Variants in ADAM17 observed in about 807,000 individuals in gnomAD.
ADAM17 encodes the protein disintegrin and metalloproteinase domain-containing protein 17.
A neutral mutation model predicts 96.7 loss-of-function variants in ADAM17; 39 were observed. The observed-to-expected ratio is 0.40, with a 90% CI of 0.31 to 0.53. The LOEUF (loss-of-function observed/expected upper bound fraction) is 0.53. ADAM17 is among the 20% of genes least tolerant of loss of function. The probability of loss-of-function intolerance (pLI) is 0.44; values close to 1 mark genes in which losing one functional copy is unlikely to be tolerated. For synonymous variants in ADAM17, 344 were observed against 359.2 expected (o/e 0.96, Z 0.48); for missense variants, 777 against 1,013.2 (o/e 0.77, Z 3.17).
intron 15 of ADAM17, among the ~76,000 whole-genome samples, chr2:9,494,170 C>A (rs1662378352): frequency 6.6e-6 from 1 of 152,160 alleles, no homozygotes; most frequent in African/African-American, 2.4e-5. Flanking sequence ...CCTCGTAAAT[C>A]TTAAAACCCT....
rs1185937477 is a variant in ADAM17 at position 9,493,748 on chromosome 2, A to G, written c.1992T>C (p.Phe664=). The G allele has an allele frequency of 1.6e-5, 26 of 1,613,272 alleles. No individual in the cohort carries two copies. The highest frequency in any genetic ancestry group is 2.0e-5 in the Non-Finnish European group (24 of 1,179,374). The change falls in exon 16 of 19, where the codon TTT becomes TTC. Residue 664 remains phenylalanine, a splice_region_variant and synonymous_variant. Transcript: ENST00000310823. The part of the protein sequence containing the change: ...DFIDQLSINT[F]GKFLADNIVG... ...AAGTAATCTGGGGAAATCACCTACC[A>G]AAAGTATTGATGCTCAGCTGGTCAA... is the stretch of plus-strand genomic sequence containing the variant.
chr2:9,554,526 GA>G lies in ADAM17; in HGVS notation c.97+982del, dbSNP rs538480354. 7.9e-4 allele frequency among the ~76,000 whole-genome samples: 120 copies of G among 151,786 alleles called. 1 individual carries two copies. Among genetic ancestry groups the G allele is most frequent in the African/African-American group, 2.7e-3 (111 of 41,378 alleles). On this transcript the variant is annotated intron_variant, in intron 1 of 18. Coordinates refer to ENST00000310823, the MANE Select transcript of ADAM17 (RefSeq NM_003183.6). Reference sequence around the variant, plus strand: ...ACAATTTCTGTCCACTAAATATAAAGAAAAAAAATACTACACATGGTATCAT... The same window carrying G: ...ACAATTTCTGTCCACTAAATATAAAGAAAAAAATACTACACATGGTATCAT...
Position 9,497,182 on chromosome 2 carries a change from T to C in ADAM17, c.1715A>G (p.Lys572Arg), listed in dbSNP as rs1257729330. 2.5e-6 allele frequency: 4 copies of C among 1,614,178 alleles called. No individual in the cohort carries two copies. The South Asian group carries it at 4.4e-5, about 18-fold the overall frequency. Reference sequence around the variant, plus strand: ...AGGGATGCATTTCCCATCCTTACACTTGCCAAGATCCAAGCAAACAGTGTC... The same window carrying C: ...AGGGATGCATTTCCCATCCTTACACCTGCCAAGATCCAAGCAAACAGTGTC... Reference protein sequence around the residue: ...EDDTVCLDLGKCKDGKCIPFC... With the variant: ...EDDTVCLDLGRCKDGKCIPFC... The change falls in exon 14 of 19, where the codon AAG (lysine) becomes AGG (arginine). Residue 572 changes from lysine (K) to arginine (R), a missense_variant. Around this residue, in one of 3 missense-constraint regions of ADAM17, gnomAD observed 446 missense variants for 664.7 expected, o/e 0.67. Coordinates refer to ENST00000310823, the MANE Select transcript of ADAM17 (RefSeq NM_003183.6).
At chr2:9,522,611 C>T (rs919892293) in intron 7 of ADAM17, among the ~76,000 whole-genome samples, 6 of 152,030 alleles carry the variant, frequency 3.9e-5, no homozygotes, top group African/African-American at 1.4e-4. Flanking sequence ...TGGTTTACTA[C>T]AAAAAGCTTG....
At chr2:9,494,859 AG>A in intron 14 of ADAM17, 92 bp from the exon 15 acceptor site, 1 of 1,486,976 alleles carries the variant, frequency 6.7e-7, no homozygotes, top group Non-Finnish European at 9.1e-7. Context: ...GCTCCCAAAG[AG>A]GTAAGAAATC....
rs780179175 is a variant in ADAM17, at chr2:9,535,816, A to C, written c.450+18T>G. 19 of 1,527,880 alleles carry C rather than the reference A, an allele frequency of 1.2e-5. No homozygotes were observed. The African/African-American group carries it at 2.6e-4, about 21-fold the overall frequency. The allele number at this position is 1,527,880 out of a possible 1,614,324, so 94.6% of individuals were successfully genotyped here. On this transcript the variant is annotated intron_variant, in intron 4 of 18. Transcript: ENST00000310823. ...CAGAGATATAAGCTACTGAAAAAAA[A>C]TTCACATATAAATTTACCTCTATGT...
chr2:9,512,657 AG>A (rs902551183), intron 10 of ADAM17, among the ~76,000 whole-genome samples: 9 of 152,136 alleles, frequency 5.9e-5, no homozygotes, highest in African/African-American at 2.2e-4. Context: ...CTGTGGAGGG[AG>A]GAATGCTGCA....
chr2:9,521,162 C>A (rs534092484), intron 8 of ADAM17, 41 bp downstream of exon 8: 5 of 1,430,052 alleles, frequency 3.5e-6, no homozygotes, highest in Non-Finnish European at 4.9e-6. Flanking sequence ...TCAGAAATGA[C>A]AAAGTGGTGT....
intron 10 of ADAM17, among the ~76,000 whole-genome samples, chr2:9,512,049 G>T (rs138996343): frequency 1.1e-4 from 16 of 151,568 alleles, no homozygotes; most frequent in Admixed American, 5.2e-4. Context: ...TTTCCTAAGG[G>T]GGGGAAATCA....
At chr2:9,539,972 T>A (rs1003059394) in intron 2 of ADAM17, among the ~76,000 whole-genome samples, 1 of 152,242 alleles carries the variant, frequency 6.6e-6, no homozygotes, top group African/African-American at 2.4e-5. Context: ...ATTAAATATT[T>A]AGTATGGAAA....
chr2:9,536,565 G>T, intron 3 of ADAM17, 133 bp downstream of exon 3: 1 of 1,239,264 alleles, frequency 8.1e-7, no homozygotes, highest in Non-Finnish European at 1.1e-6. Flanking sequence ...ATACCTCAAA[G>T]AAAAGTCAAA....
chr2:9,554,458 G>T (rs1399632131), intron 1 of ADAM17, among the ~76,000 whole-genome samples: 1 of 152,014 alleles, frequency 6.6e-6, no homozygotes, highest in African/African-American at 2.4e-5. Flanking sequence ...AGCTGTTCAA[G>T]TGATAACACT....
intron 10 of ADAM17, among the ~76,000 whole-genome samples, chr2:9,514,518 AATATATATATATATAT>A (rs70948826): frequency 0.019 from 1,668 of 89,794 alleles, 45 homozygotes; most frequent in African/African-American, 0.031. Flanking sequence ...TTAAAATATA[AATATATATATATATAT>A]ATATATATAT....
intron 14 of ADAM17, chr2:9,496,225 T>A (rs1376220823): frequency 6.6e-6 from 1 of 151,982 alleles, no homozygotes; most frequent in Non-Finnish European, 1.5e-5. Flanking sequence ...GCCCCCTGGG[T>A]TCAAGCAATT....
intron 1 of ADAM17, among the ~76,000 whole-genome samples, chr2:9,545,605 A>C (rs1035194159): frequency 6.6e-6 from 1 of 152,104 alleles, no homozygotes; most frequent in African/African-American, 2.4e-5. Context: ...AACTAAGCTA[A>C]AGGAAGGTAA....
chr2:9,493,064 C>A (rs906292291), intron 16 of ADAM17, 78 bp from the exon 17 acceptor site: 7 of 1,231,314 alleles, frequency 5.7e-6, no homozygotes, highest in African/African-American at 4.6e-5. Context: ...AGGATATTAC[C>A]ATTGTGTCAA....
intron 4 of ADAM17, among the ~76,000 whole-genome samples, chr2:9,532,741 G>A (rs1450216702): frequency 6.7e-6 from 1 of 148,770 alleles, no homozygotes; most frequent in Admixed American, 6.9e-5. Context: ...ACCCGCCTCA[G>A]CCTCCCAAAG....
chr2:9,501,140 A>G (rs1271256688), intron 13 of ADAM17, among the ~76,000 whole-genome samples: 1 of 152,234 alleles, frequency 6.6e-6, no homozygotes, highest in Admixed American at 6.5e-5. Flanking sequence ...CAATTTTTAA[A>G]AAATGAACCA....
At chr2:9,534,322 C>A (rs960195965) in intron 4 of ADAM17, among the ~76,000 whole-genome samples, 2 of 152,036 alleles carry the variant, frequency 1.3e-5, no homozygotes, top group Non-Finnish European at 1.5e-5. Context: ...TGAGCCGAGA[C>A]CACGCCAGTG....
Sources: allele counts gnomAD v4.1 joint callset (sites outside exome capture counted in the v4.1 genomes callset), GRCh38; gene constraint gnomAD v4.1.1; regional missense constraint gnomAD v4.1.1; transcripts MANE v1.5; gene names NCBI Gene and HGNC (gene_info 2026-07-23, HGNC 2026-07-21).